MTTP: variants seen among roughly 807,000 people sequenced by gnomAD.
MTTP encodes microsomal triglyceride transfer protein.
In MTTP, 49 loss-of-function variants were observed where a neutral mutation model predicts 90.6. The observed-to-expected ratio is 0.54, with a 90% CI of 0.43 to 0.69. The LOEUF (loss-of-function observed/expected upper bound fraction) is 0.69. Ranked by LOEUF, MTTP falls within the 30% of genes least tolerant of loss-of-function variation. The probability of loss-of-function intolerance (pLI) is 0.00; values close to 1 mark genes in which losing one functional copy is unlikely to be tolerated. For missense variants in MTTP, 945 were observed against 1,067.5 expected (o/e 0.89, Z 1.60); for synonymous variants, 347 against 384.2 (o/e 0.90, Z 1.13).
intron 16 of MTTP, 195 bp from the exon 17 acceptor site, chr4:99,620,866 T>C (rs1578258193): frequency 3.3e-6 from 2 of 599,402 alleles, no homozygotes; most frequent in Non-Finnish European, 2.9e-6. Flanking sequence ...AAACCTTCCC[T>C]GCCCAATATC....
chr4:99,597,243 G>C lies in MTTP; in HGVS notation c.1067+19G>C. 1 of 1,610,818 alleles carries C rather than the reference G, an allele frequency of 6.2e-7. No individual in the cohort carries two copies. The highest frequency in any genetic ancestry group is 1.1e-5 in the South Asian group (1 of 90,876). ...AAGTATTGTAAGTTCCCCAACCTTT[G>C]TGTGGGGTTGTCTGTCAGAAACATT... On this transcript the variant is annotated intron_variant, in intron 8 of 17. Coordinates refer to ENST00000265517, the MANE Select transcript of MTTP (RefSeq NM_001386140.1).
chr4:99,570,523 C>A (rs11946658), upstream of MTTP, among the ~76,000 whole-genome samples: 39,760 of 151,742 alleles, frequency 0.26, 5,375 homozygotes, highest in South Asian at 0.35. Context: ...CTGCTTAAGA[C>A]TTATTGAGCC....
intron 1 of MTTP, among the ~76,000 whole-genome samples, chr4:99,569,085 C>A (rs1050327925): frequency 6.6e-6 from 1 of 152,066 alleles, no homozygotes; most frequent in African/African-American, 2.4e-5. Context: ...AGAAATCTGA[C>A]AACACTGCTG....
chr4:99,588,702 C>CAT (rs139447199), intron 3 of MTTP, among the ~76,000 whole-genome samples: 72 of 121,656 alleles, frequency 5.9e-4, no homozygotes, highest in African/African-American at 2.1e-3. Context: ...TATATACACA[C>CAT]ATATATATAT....
chr4:99,593,510 T>C (rs1042438884), intron 6 of MTTP, among the ~76,000 whole-genome samples: 2 of 152,192 alleles, frequency 1.3e-5, no homozygotes, highest in Non-Finnish European at 2.9e-5. Flanking sequence ...AAGACCATTC[T>C]CTGGACAGAA....
At chr4:99,564,869 A>G (rs1724627827) in intron 1 of MTTP, among the ~76,000 whole-genome samples, 1 of 152,232 alleles carries the variant, frequency 6.6e-6, no homozygotes, top group South Asian at 2.1e-4. Flanking sequence ...ATTCTCTAAA[A>G]GAGCCGAAAT....
At position 99,622,935 on chromosome 4, in the gene MTTP, G is replaced by A. The variant is rs547095033; in HGVS notation, c.*87G>A. ...TAAGTACTTGCTCTCTGAGAGCACA[G>A]CGTTTACATATTTACCTGTATTTAA... On this transcript the variant is annotated 3_prime_UTR_variant, in exon 18 of 18. Coordinates refer to ENST00000265517, the MANE Select transcript of MTTP (RefSeq NM_001386140.1). 71 of 1,411,970 alleles carry A rather than the reference G, an allele frequency of 5.0e-5. No homozygotes were observed. In the South Asian group the frequency reaches 6.7e-4, roughly 13 times the overall value. 87.5% of individuals were successfully genotyped at this position (1,411,970 alleles called of 1,614,324 possible).
chr4:99,565,309 A>C (rs375690111), intron 1 of MTTP, among the ~76,000 whole-genome samples: 3 of 152,226 alleles, frequency 2.0e-5, no homozygotes, highest in Non-Finnish European at 2.9e-5. Flanking sequence ...AGCAAAAAAA[A>C]CCACTTCATA....
chr4:99,622,637 C>T, intron 17 of MTTP, 40 bp from the exon 18 acceptor site: 1 of 1,606,042 alleles, frequency 6.2e-7, no homozygotes, highest in Non-Finnish European at 8.5e-7. Flanking sequence ...GGTGACTTAA[C>T]TGTGTGTGTA....
In MTTP at chr4:99,606,610, G is replaced by A. The variant is rs919500917; in HGVS notation, c.1345-138G>A. The A allele has an allele frequency of 3.8e-6, 3 of 798,548 alleles. No individual in the cohort carries two copies. In the East Asian group the frequency reaches 7.4e-5, roughly 20 times the overall value. The allele number at this position is 798,548 out of a possible 1,614,324, so 49.5% of individuals were successfully genotyped here. On this transcript the variant is annotated intron_variant, in intron 10 of 17. Coordinates refer to ENST00000265517, the MANE Select transcript of MTTP (RefSeq NM_001386140.1). ...TTTACTTGTTTGCTTTTATTCCACT[G>A]TGTGCCTCAGTCAAGCAACCAATGC...
intron 1 of MTTP, among the ~76,000 whole-genome samples, chr4:99,580,688 G>A (rs1725087586): frequency 6.7e-6 from 1 of 149,876 alleles, no homozygotes. Flanking sequence ...TCTATAAAAT[G>A]AGACTAATAA....
At chr4:99,577,952 T>C (rs1214743597) in intron 1 of MTTP, among the ~76,000 whole-genome samples, 2 of 152,162 alleles carry the variant, frequency 1.3e-5, no homozygotes, top group African/African-American at 4.8e-5. Flanking sequence ...TTATTAATCA[T>C]CTTCCAGTTC....
In MTTP at chr4:99,589,740, C is replaced by A. The variant is rs748563807; in HGVS notation, c.491C>A (p.Thr164Asn). The A allele has an allele frequency of 1.0e-5, 16 of 1,574,620 alleles. No homozygotes were observed. Among genetic ancestry groups the A allele is most frequent in the Non-Finnish European group, 1.2e-5 (14 of 1,145,266 alleles). The change falls in exon 4 of 18, where the codon ACC becomes AAC. Residue 164 changes from threonine to asparagine, a missense_variant. Thr to Asn is a moderately conservative substitution (Grantham distance 65). Transcript: ENST00000265517. Reference protein sequence around the residue: ...SLFQTQLSSGTTNEVDISGNC... With the variant: ...SLFQTQLSSGNTNEVDISGNC... The stretch of plus-strand genomic sequence containing the variant: ...TTTCAGACACAGTTAAGCTCTGGAA[C>A]CACCAATGAGGTACTTACCAATATT...
chr4:99,586,856 T>C (rs1725270520), intron 3 of MTTP, among the ~76,000 whole-genome samples: 1 of 152,162 alleles, frequency 6.6e-6, no homozygotes, highest in South Asian at 2.1e-4. Flanking sequence ...GAAGAGGCAC[T>C]GTACCACCTT....
chr4:99,570,680 G>T (rs1016225185), upstream of MTTP: 9 of 455,594 alleles, frequency 2.0e-5, no homozygotes, highest in Non-Finnish European at 4.0e-5. Flanking sequence ...AGGGTAAAAA[G>T]ATTATCCTGG....
chr4:99,575,581 T>A (rs1188533326), intron 1 of MTTP, among the ~76,000 whole-genome samples: 2 of 152,230 alleles, frequency 1.3e-5, no homozygotes, highest in Non-Finnish European at 2.9e-5. Flanking sequence ...ATAATGTTGC[T>A]ACTTACAGTT....
intron 1 of MTTP, among the ~76,000 whole-genome samples, chr4:99,567,734 G>A (rs1340653004): frequency 6.6e-6 from 1 of 152,110 alleles, no homozygotes; most frequent in African/African-American, 2.4e-5. Flanking sequence ...CAACAAAAAA[G>A]CAGATGCAGA....
chr4:99,565,308 A>T (rs374125803), intron 1 of MTTP, among the ~76,000 whole-genome samples: 171 of 152,366 alleles, frequency 1.1e-3, no homozygotes, highest in African/African-American at 3.8e-3. Context: ...AAGCAAAAAA[A>T]ACCACTTCAT....
chr4:99,582,133 A>G, intron 2 of MTTP, 41 bp downstream of exon 2: 1 of 1,608,668 alleles, frequency 6.2e-7, no homozygotes, highest in Non-Finnish European at 8.5e-7. Flanking sequence ...ATTAGATATC[A>G]GAAGTTTTTG....
Sources: allele counts gnomAD v4.1 joint callset (sites outside exome capture counted in the v4.1 genomes callset), GRCh38; gene constraint gnomAD v4.1.1; transcripts MANE v1.5; gene names NCBI Gene and HGNC (gene_info 2026-07-23, HGNC 2026-07-21).